The following SVOP variants were observed in gnomAD, a reference collection of about 807,000 sequenced individuals.
SVOP encodes the protein SV2 related protein.
SVOP carries 17 observed loss-of-function variants against 69.1 expected under a neutral mutation model. That is an observed-to-expected ratio of 0.25 (90% CI 0.17 to 0.37). The LOEUF (loss-of-function observed/expected upper bound fraction) is 0.37. SVOP is among the 10% of genes least tolerant of loss of function. The probability of loss-of-function intolerance (pLI) is 1.00; values close to 1 mark genes in which losing one functional copy is unlikely to be tolerated. For missense variants in SVOP, 435 were observed against 597.5 expected (o/e 0.73, Z 2.84); for synonymous variants, 238 against 238.6 (o/e 1.00, Z 0.02).
chr12:108,922,292 G>A (rs2137391352), intron 12 of SVOP, among the ~76,000 whole-genome samples: 1 of 152,330 alleles, frequency 6.6e-6, no homozygotes, highest in South Asian at 2.1e-4. Context: ...GGTTCCCTAA[G>A]CTTGGGGTTC....
At chr12:108,932,255 G>A (rs143143740) in intron 11 of SVOP, among the ~76,000 whole-genome samples, 1 of 152,018 alleles carries the variant, frequency 6.6e-6, no homozygotes, top group Non-Finnish European at 1.5e-5. Flanking sequence ...GGCCTCAAGT[G>A]ATCCTCCTGC....
At chr12:108,987,983 G>A (rs935885312) in intron 1 of SVOP, among the ~76,000 whole-genome samples, 5 of 152,080 alleles carry the variant, frequency 3.3e-5, no homozygotes, top group Admixed American at 6.6e-5. Context: ...GTGCAGTGGC[G>A]TGATCATGGC....
chr12:108,964,054 T>C (rs141546841), intron 5 of SVOP, among the ~76,000 whole-genome samples: 4,924 of 152,164 alleles, frequency 0.032, 265 homozygotes, highest in African/African-American at 0.11. Context: ...AGCAATTTGA[T>C]ATAAAGAAAG....
chr12:108,928,504 G>A (rs1201896048), intron 11 of SVOP, among the ~76,000 whole-genome samples: 1 of 151,698 alleles, frequency 6.6e-6, no homozygotes, highest in African/African-American at 2.4e-5. Context: ...GTGGAGAAGG[G>A]GCCTCTGACC....
At chr12:109,020,448 T>C (rs988297981) in intron 1 of SVOP, among the ~76,000 whole-genome samples, 1 of 152,246 alleles carries the variant, frequency 6.6e-6, no homozygotes, top group Middle Eastern at 3.4e-3. Context: ...TTTCACAGCA[T>C]AGGATTAGGG....
chr12:108,970,588 A>G (rs764517310), intron 5 of SVOP, among the ~76,000 whole-genome samples: 2 of 87,856 alleles, frequency 2.3e-5, no homozygotes, highest in Non-Finnish European at 5.2e-5. Flanking sequence ...CAGCTCCAGT[A>G]GTAGGTTATT....
At chr12:109,004,908 T>G (rs2040297029) in intron 1 of SVOP, among the ~76,000 whole-genome samples, 2 of 151,890 alleles carry the variant, frequency 1.3e-5, no homozygotes. Flanking sequence ...TAGCTAAGTT[T>G]TGTAGTTTTA....
chr12:108,934,159 G>T (rs1465482303), intron 11 of SVOP, 36 bp downstream of exon 11: 1 of 1,559,266 alleles, frequency 6.4e-7, no homozygotes, highest in Non-Finnish European at 8.7e-7. Flanking sequence ...GAGGGTGTGG[G>T]AGTAGTTAGC....
chr12:108,973,485 G>A (rs2040090612), intron 4 of SVOP, among the ~76,000 whole-genome samples: 1 of 152,126 alleles, frequency 6.6e-6, no homozygotes, highest in Non-Finnish European at 1.5e-5. Context: ...TCAGCCTCCT[G>A]GGCTCAAGTG....
intron 1 of SVOP, among the ~76,000 whole-genome samples, chr12:109,012,181 G>A (rs1432280745): frequency 2.0e-5 from 3 of 152,092 alleles, no homozygotes; most frequent in Non-Finnish European, 1.5e-5. Flanking sequence ...TACTCAGGAG[G>A]CTGAGGCAGG....
At chr12:108,915,169 T>A (rs1389149268) in intron 15 of SVOP, among the ~76,000 whole-genome samples, 8 of 97,966 alleles carry the variant, frequency 8.2e-5, no homozygotes, top group Non-Finnish European at 1.0e-4. Context: ...CGAGACTCCA[T>A]CCCAAAAAAA....
At chr12:108,925,315 T>G (rs2039773721) in intron 11 of SVOP, among the ~76,000 whole-genome samples, 1 of 151,046 alleles carries the variant, frequency 6.6e-6, no homozygotes, top group African/African-American at 2.4e-5. Context: ...ATGTTTGGCT[T>G]TACCGTGCCG....
intron 8 of SVOP, among the ~76,000 whole-genome samples, chr12:108,939,755 G>C (rs890565224): frequency 6.6e-6 from 1 of 152,152 alleles, no homozygotes; most frequent in African/African-American, 2.4e-5. Flanking sequence ...TGCCCAGACA[G>C]GGACTACATT....
chr12:108,937,140 A>T (rs7969098), intron 10 of SVOP, 124 bp downstream of exon 10: 17,385 of 870,494 alleles, frequency 0.02, 220 homozygotes, highest in Middle Eastern at 0.05. Flanking sequence ...ATGATGTTCG[A>T]ACTACTGAAA....
intron 11 of SVOP, among the ~76,000 whole-genome samples, chr12:108,925,096 TC>T (rs1238833283): frequency 6.6e-6 from 1 of 152,178 alleles, no homozygotes; most frequent in African/African-American, 2.4e-5. Flanking sequence ...TATCCCAATT[TC>T]AGGGTCCAAA....
chr12:108,990,152 G>T (rs542502669), intron 1 of SVOP, among the ~76,000 whole-genome samples: 5 of 152,258 alleles, frequency 3.3e-5, no homozygotes, highest in African/African-American at 1.2e-4. Flanking sequence ...TCTCAGGAAT[G>T]AATGCAAGGT....
At chr12:108,945,771 G>A (rs1160469266) in intron 6 of SVOP, among the ~76,000 whole-genome samples, 3 of 152,058 alleles carry the variant, frequency 2.0e-5, no homozygotes. Context: ...ATAAGTCCAG[G>A]GAAAAATGTT....
chr12:108,951,939 A>G (rs1449565078), intron 6 of SVOP, among the ~76,000 whole-genome samples: 1 of 152,170 alleles, frequency 6.6e-6, no homozygotes, highest in African/African-American at 2.4e-5. Context: ...GACCACCAGA[A>G]TGTAGCAGAA....
chr12:108,956,801 G>A (rs1315352170), intron 6 of SVOP, among the ~76,000 whole-genome samples: 1 of 152,102 alleles, frequency 6.6e-6, no homozygotes, highest in African/African-American at 2.4e-5. Context: ...CCTGGAATCC[G>A]CTGGTCCTAT....
Sources: gnomAD v4.1 joint callset for allele counts (sites outside exome capture counted in the v4.1 genomes callset) on GRCh38, gnomAD v4.1.1 for gene constraint, MANE v1.5 for transcripts, NCBI Gene and HGNC (gene_info 2026-07-23, HGNC 2026-07-21) for gene names.